Variants in NXPH1 observed in about 807,000 individuals in gnomAD.
The protein encoded by NXPH1 is neurexophilin 1.
Under a neutral mutation model 23.7 loss-of-function variants are expected in NXPH1, and 5 were observed. The observed-to-expected ratio is 0.21, with a 90% confidence interval of 0.11 to 0.44. The LOEUF is 0.44. NXPH1 is among the 20% of genes least tolerant of loss of function. The probability of loss-of-function intolerance (pLI) is 0.99; values close to 1 mark genes in which losing one functional copy is unlikely to be tolerated. For synonymous variants in NXPH1, 144 were observed against 122.2 expected (o/e 1.18, Z -1.18); for missense variants, 324 against 321.6 (o/e 1.01, Z -0.06).
intron 2 of NXPH1, among the ~76,000 whole-genome samples, chr7:8,725,203 T>C (rs921776577): frequency 1.3e-5 from 2 of 152,096 alleles, no homozygotes; most frequent in African/African-American, 2.4e-5. Flanking sequence ...GAAGAACCCA[T>C]TGTAGGACAG....
At chr7:8,610,631 A>C (rs1028480930) in intron 2 of NXPH1, among the ~76,000 whole-genome samples, 1 of 152,092 alleles carries the variant, frequency 6.6e-6, no homozygotes, top group African/African-American at 2.4e-5. Context: ...TCCCCAGATG[A>C]TAACAGGGCT....
At chr7:8,490,106 C>T (rs1817224566) in intron 2 of NXPH1, among the ~76,000 whole-genome samples, 1 of 152,164 alleles carries the variant, frequency 6.6e-6, no homozygotes, top group South Asian at 2.1e-4. Context: ...GAAATATCCT[C>T]TCAAGGCATG....
At chr7:8,542,389 C>T (rs1422328388) in intron 2 of NXPH1, among the ~76,000 whole-genome samples, 1 of 151,380 alleles carries the variant, frequency 6.6e-6, no homozygotes, top group Non-Finnish European at 1.5e-5. Context: ...ATTCCAACAC[C>T]ACTTTCTCAG....
intron 2 of NXPH1, among the ~76,000 whole-genome samples, chr7:8,710,682 G>T (rs1779777306): frequency 9.9e-6 from 1 of 100,686 alleles, no homozygotes; most frequent in Admixed American, 1.6e-4. Context: ...TTGAGACGGA[G>T]TCTCGCTCTG....
At chr7:8,693,784 A>G (rs1289330295) in intron 2 of NXPH1, among the ~76,000 whole-genome samples, 2 of 152,196 alleles carry the variant, frequency 1.3e-5, no homozygotes, top group Admixed American at 6.5e-5. Context: ...AAGTTTGCTT[A>G]AATAAGTACA....
chr7:8,522,729 T>C (rs985367113), intron 2 of NXPH1, among the ~76,000 whole-genome samples: 11 of 152,212 alleles, frequency 7.2e-5, no homozygotes, highest in Non-Finnish European at 1.5e-4. Context: ...CCTCAGCCTA[T>C]ATCTTCCATA....
intron 2 of NXPH1, among the ~76,000 whole-genome samples, chr7:8,498,283 A>G (rs371204362): frequency 6.6e-6 from 1 of 152,218 alleles, no homozygotes; most frequent in African/African-American, 2.4e-5. Context: ...CCAATTAAGT[A>G]TCAGGCAGAA....
At chr7:8,443,327 C>T (rs1037261524) in intron 2 of NXPH1, among the ~76,000 whole-genome samples, 4 of 152,246 alleles carry the variant, frequency 2.6e-5, no homozygotes, top group Non-Finnish European at 5.9e-5. Flanking sequence ...CCCATTCTTT[C>T]ACAGTTCATT....
intron 2 of NXPH1, among the ~76,000 whole-genome samples, chr7:8,651,998 C>T (rs1459439562): frequency 1.3e-5 from 2 of 152,052 alleles, no homozygotes; most frequent in African/African-American, 4.8e-5. Flanking sequence ...ATCCTCCCAC[C>T]TCCACCCTAT....
At chr7:8,582,225 G>A (rs1347928688) in intron 2 of NXPH1, among the ~76,000 whole-genome samples, 1 of 152,234 alleles carries the variant, frequency 6.6e-6, no homozygotes, top group Non-Finnish European at 1.5e-5. Flanking sequence ...CCCAAAGACA[G>A]TGTCATAGCC....
intron 2 of NXPH1, among the ~76,000 whole-genome samples, chr7:8,539,544 T>C (rs1818079107): frequency 6.6e-6 from 1 of 151,878 alleles, no homozygotes; most frequent in Non-Finnish European, 1.5e-5. Flanking sequence ...AAAATGCTTA[T>C]CAAGACTTTC....
intron 2 of NXPH1, among the ~76,000 whole-genome samples, chr7:8,684,335 C>T (rs1408845377): frequency 6.6e-6 from 1 of 152,158 alleles, no homozygotes; most frequent in Non-Finnish European, 1.5e-5. Context: ...ACATGGTATC[C>T]TGGCCTTGAA....
chr7:8,691,804 C>T (rs1168382067), intron 2 of NXPH1, among the ~76,000 whole-genome samples: 1 of 152,092 alleles, frequency 6.6e-6, no homozygotes, highest in Admixed American at 6.5e-5. Flanking sequence ...ATAGGGAAGA[C>T]AAGCAATGAA....
rs540056222 is a variant in NXPH1, at chr7:8,678,928, ATTTTTTTTTTTTTTTTTT to A, written c.55-72062_55-72045del. On this transcript the variant is annotated intron_variant, in intron 2 of 2. Transcript: ENST00000405863. Reference sequence around the variant, plus strand: ...TCTAGATTTATCTTTGCTTTATCCAATTTTTTTTTTTTTTTTTTTTTTTTTTTTTTTTTTTGTTGAGAC... The same window carrying A: ...TCTAGATTTATCTTTGCTTTATCCAATTTTTTTTTTTTTTTTTGTTGAGAC... Among the ~76,000 whole-genome samples the A allele has an allele frequency of 5.8e-4, 40 of 68,804 alleles. 1 individual carries two copies. The highest frequency in any genetic ancestry group is 2.3e-3 in the African/African-American group (31 of 13,548). 45.1% of individuals were successfully genotyped at this position (68,804 alleles called of 152,430 possible).
At chr7:8,721,732 T>C (rs1015533097) in intron 2 of NXPH1, among the ~76,000 whole-genome samples, 1 of 152,202 alleles carries the variant, frequency 6.6e-6, no homozygotes. Flanking sequence ...GAGCTGAGAT[T>C]GTGCCACGCA....
chr7:8,584,630 A>G (rs552499865), intron 2 of NXPH1, among the ~76,000 whole-genome samples: 38 of 152,188 alleles, frequency 2.5e-4, no homozygotes, highest in Non-Finnish European at 4.9e-4. Flanking sequence ...GATCAGTACC[A>G]TGGGTTTGGA....
chr7:8,610,545 A>AAAAGTACC (rs1299669305), intron 2 of NXPH1, among the ~76,000 whole-genome samples: 1 of 152,158 alleles, frequency 6.6e-6, no homozygotes, highest in Non-Finnish European at 1.5e-5. Flanking sequence ...AGGATACACA[A>AAAAGTACC]AAAGTACCAC....
Position 8,659,412 on chromosome 7 carries a change from G to A in NXPH1, c.55-91596G>A, listed in dbSNP as rs138580478. On this transcript the variant is annotated intron_variant, in intron 2 of 2. Coordinates refer to ENST00000405863, the MANE Select transcript of NXPH1 (RefSeq NM_152745.3). ...AAACATCCTCCTTTAGCTCAGAGAA[G>A]TTTGATCATCTGAAGCTGTCTTCTC... Among the ~76,000 whole-genome samples, 350 of 152,258 alleles carry A rather than the reference G, an allele frequency of 2.3e-3. 4 individuals are homozygous for A. Among genetic ancestry groups the A allele is most frequent in the African/African-American group, 7.8e-3 (322 of 41,546 alleles).
chr7:8,614,148 G>T (rs1229706210), intron 2 of NXPH1, among the ~76,000 whole-genome samples: 2 of 151,822 alleles, frequency 1.3e-5, no homozygotes, highest in Admixed American at 1.3e-4. Context: ...TTCCGTGGAT[G>T]TGCCATAATT....
Sources: allele counts gnomAD v4.1 joint callset (sites outside exome capture counted in the v4.1 genomes callset), GRCh38; gene constraint gnomAD v4.1.1; transcripts MANE v1.5; gene names NCBI Gene and HGNC (gene_info 2026-07-23, HGNC 2026-07-21).